MRPL52: variants seen among roughly 807,000 people sequenced by gnomAD.
The protein encoded by MRPL52 is large ribosomal subunit protein mL52.
Under a neutral mutation model 22.1 loss-of-function variants are expected in MRPL52, and 19 were observed. That is an observed-to-expected ratio of 0.86 (90% CI 0.60 to 1.26). The LOEUF (loss-of-function observed/expected upper bound fraction) is 1.26. Among genes scored for constraint, MRPL52 ranks in the 50% most tolerant of loss-of-function variants. MRPL52 has a pLI of 0.00. For missense variants in MRPL52, 152 were observed against 148.1 expected (o/e 1.03, Z -0.14); for synonymous variants, 50 against 57.5 (o/e 0.87, Z 0.59).
chr14:22,830,342 G>A, intron 3 of MRPL52, 88 bp downstream of exon 3: 2 of 1,369,758 alleles, frequency 1.5e-6, no homozygotes, highest in Admixed American at 1.8e-5. Flanking sequence ...GTATCAAGGT[G>A]GGGGCGTGTA....
rs746883520 is a variant in MRPL52, at chr14:22,830,078, A to C, written c.54A>C (p.Val18=). The part of the protein sequence containing the change: ...LFSVRRLHCS[V]AAWAGGQWRL... ...GTGTCCGGAGGCTGCACTGCAGCGT[A>C]GCCGCTTGGGCGGGCGGCCAGTGGC... is the stretch of plus-strand genomic sequence containing the variant. The change falls in exon 2 of 5, where the codon GTA becomes GTC. Residue 18 remains valine (V), a synonymous_variant. Transcript: ENST00000397496. The C allele has an allele frequency of 1.9e-6, 3 of 1,614,030 alleles. No homozygotes were observed. The highest frequency in any genetic ancestry group is 2.5e-6 in the Non-Finnish European group (3 of 1,180,000).
chr14:22,834,376 C>T lies in MRPL52; in HGVS notation c.*55C>T, dbSNP rs945544482. ...TGTCTCTGGATTTCTTTTCTATCAC[C>T]TAGATGCTTCATCCAGCCAGAAGAT... On this transcript the variant is annotated 3_prime_UTR_variant, in exon 5 of 5. Transcript: ENST00000397496. 4.5e-5 allele frequency: 70 copies of T among 1,538,740 alleles called. 1 individual carries two copies. The highest frequency in any genetic ancestry group is 1.7e-4 in the Admixed American group (8 of 47,836).
chr14:22,831,106 CTTTTTTTTTTTTTT>C (rs36143447), intron 3 of MRPL52: 2 of 167,614 alleles, frequency 1.2e-5, no homozygotes, highest in African/African-American at 1.1e-4. Context: ...CATATGACTG[CTTTTTTTTTTTTTT>C]TTTTTTTTTT....
At position 22,834,864 on chromosome 14, in the gene MRPL52, T is replaced by C. The variant is rs2039705442; in HGVS notation, c.*543T>C. ...CTCCGTCTCAAAAAAAAAAAAAAAT[T>C]TACCTCCTTTGCAGGCCATAGGACT... On this transcript the variant is annotated 3_prime_UTR_variant, in exon 5 of 5. Coordinates refer to ENST00000397496, the MANE Select transcript of MRPL52 (RefSeq NM_180982.3). The C allele has an allele frequency of 6.6e-6, 1 of 151,458 alleles. No individual in the cohort carries two copies. Among genetic ancestry groups the C allele is most frequent in the Non-Finnish European group, 1.5e-5 (1 of 68,228 alleles). 9.4% of individuals were successfully genotyped at this position (151,458 alleles called of 1,614,324 possible). A position where few individuals can be genotyped will look rare whatever the true frequency, so the allele number is the denominator to read the frequency against.
chr14:22,834,068 A>G, intron 4 of MRPL52, 104 bp from the exon 5 acceptor site: 1 of 1,325,232 alleles, frequency 7.5e-7, no homozygotes, highest in African/African-American at 1.5e-5. Flanking sequence ...GGGAGTCAGC[A>G]GCGTCATTTT....
intron 3 of MRPL52, among the ~76,000 whole-genome samples, chr14:22,832,778 C>T (rs187216074): frequency 5.9e-5 from 9 of 152,238 alleles, no homozygotes; most frequent in African/African-American, 2.2e-4. Flanking sequence ...ACTCGGGAGG[C>T]TGAGGCAGGA....
rs1028843302 is a variant in MRPL52, at chr14:22,834,430, A to G, written c.*109A>G. The G allele has an allele frequency of 2.3e-6, 3 of 1,321,440 alleles. No homozygotes were observed. Among genetic ancestry groups the G allele is most frequent in the Non-Finnish European group, 3.1e-6 (3 of 979,194 alleles). The allele number at this position is 1,321,440 out of a possible 1,614,324, so 81.9% of individuals were successfully genotyped here. ...CTTCACGTTCCCCATCTGTCTTCAG[A>G]GAAAAAGAGCTGGGACACCAAGAAC... is the stretch of plus-strand genomic sequence containing the variant. On this transcript the variant is annotated 3_prime_UTR_variant, in exon 5 of 5. Coordinates refer to ENST00000397496, the MANE Select transcript of MRPL52 (RefSeq NM_180982.3).
intron 3 of MRPL52, among the ~76,000 whole-genome samples, chr14:22,832,757 T>G (rs111243341): frequency 4.6e-5 from 7 of 152,182 alleles, no homozygotes; most frequent in African/African-American, 1.2e-4. Flanking sequence ...TGCGCACCTG[T>G]AATCCCAGTT....
intron 3 of MRPL52, chr14:22,831,374 A>C (rs2039615172): frequency 5.1e-6 from 1 of 194,690 alleles, no homozygotes; most frequent in Non-Finnish European, 1.1e-5. Flanking sequence ...TCAGCCTCCC[A>C]AAGTGCTGGG....
At chr14:22,830,331 G>A (rs2039578432) in intron 3 of MRPL52, 77 bp downstream of exon 3, 1 of 1,473,746 alleles carries the variant, frequency 6.8e-7, no homozygotes, top group Non-Finnish European at 9.5e-7. Flanking sequence ...GGGAGCTGGG[G>A]GTATCAAGGT....
chr14:22,830,992 G>A, intron 3 of MRPL52: 1 of 1,532,992 alleles, frequency 6.5e-7, no homozygotes, highest in Non-Finnish European at 8.7e-7. Flanking sequence ...TTGGATAATT[G>A]GTGACTGAGG....
At position 22,830,233 on chromosome 14, in the gene MRPL52, C is replaced by G. The variant is rs764042222; in HGVS notation, c.133C>G (p.Leu45Val). ...CTCCGGCTACGGGCCCCTTACCGAGCTCCCAGACTGGTCATATGCGGGTAA... is the reference window on the plus strand; with the variant it reads ...CTCCGGCTACGGGCCCCTTACCGAGGTCCCAGACTGGTCATATGCGGGTAA... ...NPSGYGPLTE[L>V]PDWSYADGRP... Residue 45 changes from leucine (L) to valine (V), a missense_variant, in exon 3 of 5, where the codon CTC (leucine) becomes GTC (valine). Transcript: ENST00000397496. 3.7e-6 allele frequency: 6 copies of G among 1,614,260 alleles called. No individual in the cohort carries two copies. Among genetic ancestry groups the G allele is most frequent in the Non-Finnish European group, 1.7e-6 (2 of 1,180,042 alleles).
intron 3 of MRPL52, among the ~76,000 whole-genome samples, chr14:22,832,838 C>T (rs1165537789): frequency 3.3e-5 from 5 of 151,896 alleles, no homozygotes; most frequent in East Asian, 1.9e-4. Flanking sequence ...GAGATCATGC[C>T]ATTGCACTCC....
intron 4 of MRPL52, 106 bp downstream of exon 4, chr14:22,833,588 A>G (rs1032836109): frequency 2.6e-6 from 2 of 757,918 alleles, no homozygotes; most frequent in Non-Finnish European, 4.4e-6. Flanking sequence ...CCTCATACAG[A>G]GGTTTTATTA....
At chr14:22,830,028 C>A (rs369135521) in intron 1 of MRPL52, 25 bp from the exon 2 acceptor site, 7 of 1,613,878 alleles carry the variant, frequency 4.3e-6, no homozygotes, top group Non-Finnish European at 5.9e-6. Context: ...GCCTCTCCCC[C>A]AACTCTGCTC....
In MRPL52 at chr14:22,830,038, C is replaced by G. The variant is rs752981510; in HGVS notation, c.29-15C>G. 2.2e-5 allele frequency: 35 copies of G among 1,613,922 alleles called. 1 individual carries two copies. Among genetic ancestry groups the G allele is most frequent in the South Asian group, 1.1e-5 (1 of 91,076 alleles). On this transcript the variant is annotated splice_polypyrimidine_tract_variant and intron_variant, in intron 1 of 4. Coordinates refer to ENST00000397496, the MANE Select transcript of MRPL52 (RefSeq NM_180982.3). Reference sequence around the variant, plus strand: ...GCGCGGCCTCTCCCCCAACTCTGCTCTGTTCTCCCAGCAGGTGTCCGGAGG... The same window carrying G: ...GCGCGGCCTCTCCCCCAACTCTGCTGTGTTCTCCCAGCAGGTGTCCGGAGG...
At chr14:22,831,596 C>T (rs1042093915) in intron 3 of MRPL52, 17 of 152,190 alleles carry the variant, frequency 1.1e-4, no homozygotes, top group African/African-American at 3.4e-4. Flanking sequence ...TATTGGTTCC[C>T]CTTCCTGGTA....
Position 22,834,533 on chromosome 14 carries a change from C to A in MRPL52, c.*212C>A. 1.8e-6 allele frequency: 1 copy of A among 570,556 alleles called. No individual in the cohort carries two copies. The allele number at this position is 570,556 out of a possible 1,614,324, so 35.3% of individuals were successfully genotyped here. A position where few individuals can be genotyped will look rare whatever the true frequency, so the allele number is the denominator to read the frequency against. On this transcript the variant is annotated 3_prime_UTR_variant, in exon 5 of 5. Transcript: ENST00000397496. Reference sequence around the variant, plus strand: ...TCCATTCCAGTTCAGCTAAGTCTTGCTTTAAAATTTTTACCTCCTAGCTGG... The same window carrying A: ...TCCATTCCAGTTCAGCTAAGTCTTGATTTAAAATTTTTACCTCCTAGCTGG...
intron 4 of MRPL52, among the ~76,000 whole-genome samples, 172 bp downstream of exon 4, chr14:22,833,654 C>T (rs1407424755): frequency 3.9e-5 from 6 of 152,110 alleles, no homozygotes; most frequent in African/African-American, 1.2e-4. Context: ...GACGGAGTTT[C>T]GCTCTTGATG....
Sources: gnomAD v4.1 joint callset for allele counts (sites outside exome capture counted in the v4.1 genomes callset) on GRCh38, gnomAD v4.1.1 for gene constraint, MANE v1.5 for transcripts, NCBI Gene and HGNC (gene_info 2026-07-23, HGNC 2026-07-21) for gene names.